PTPRK: variants seen among roughly 807,000 people sequenced by gnomAD.
The protein encoded by PTPRK is receptor-type tyrosine-protein phosphatase kappa.
Under a neutral mutation model 178.0 loss-of-function variants are expected in PTPRK, and 75 were observed. The ratio of observed to expected loss-of-function variants is 0.42; its 90% CI spans 0.35 to 0.51. PTPRK has a LOEUF of 0.51. Ranked by LOEUF, PTPRK falls within the 20% of genes least tolerant of loss-of-function variation. The pLI is 0.02. For synonymous variants in PTPRK, 637 were observed against 620.6 expected (o/e 1.03, Z -0.39); for missense variants, 1,441 against 1,797.8 (o/e 0.80, Z 3.59).
At chr6:128,330,527 C>G (rs528387570) in intron 2 of PTPRK, among the ~76,000 whole-genome samples, 56 of 152,152 alleles carry the variant, frequency 3.7e-4, no homozygotes, top group Middle Eastern at 3.4e-3. Flanking sequence ...TTTCTATTTT[C>G]AAGCTCTCTC....
chr6:128,282,192 G>C (rs1316432630), intron 3 of PTPRK, among the ~76,000 whole-genome samples: 2 of 152,152 alleles, frequency 1.3e-5, no homozygotes, highest in Non-Finnish European at 2.9e-5. Flanking sequence ...CAACTCTTCA[G>C]GGTGTTTGCT....
rs370243882 is a variant in PTPRK, at chr6:128,224,720, G to T, written c.694-5624C>A. Among the ~76,000 whole-genome samples, 76 of 152,236 alleles carry T rather than the reference G, an allele frequency of 5.0e-4. No individual in the cohort carries two copies. In the East Asian group the frequency reaches 0.011, roughly 22 times the overall value. On this transcript the variant is annotated intron_variant, in intron 5 of 29. Coordinates refer to ENST00000368226, the MANE Select transcript of PTPRK (RefSeq NM_002844.4). The stretch of plus-strand genomic sequence containing the variant: ...TATTCTGGCCAAGGAGATATGATAG[G>T]AATTGGTCAAGTTATTTCTAAAAAG...
At chr6:128,200,886 A>G (rs1459691461) in intron 6 of PTPRK, among the ~76,000 whole-genome samples, 5 of 65,310 alleles carry the variant, frequency 7.7e-5, no homozygotes, top group Non-Finnish European at 7.9e-5. Flanking sequence ...GGAAGAAGGG[A>G]GGGAAGGAGG....
chr6:128,137,355 T>C (rs1260955019), intron 7 of PTPRK, among the ~76,000 whole-genome samples: 2 of 152,104 alleles, frequency 1.3e-5, no homozygotes, highest in Non-Finnish European at 2.9e-5. Flanking sequence ...GTTCCATCAA[T>C]GGAGTGGGGG....
intron 2 of PTPRK, among the ~76,000 whole-genome samples, chr6:128,374,098 A>G (rs1045359506): frequency 1.3e-5 from 2 of 152,162 alleles, no homozygotes; most frequent in Admixed American, 1.3e-4. Flanking sequence ...ACAGACGTTT[A>G]ATCATTCTAC....
At chr6:127,993,446 A>G (rs1220287075) in intron 18 of PTPRK, among the ~76,000 whole-genome samples, 2 of 151,674 alleles carry the variant, frequency 1.3e-5, no homozygotes, top group Non-Finnish European at 3.0e-5. Context: ...ACAACAAAGC[A>G]TAAGTTGTAA....
At chr6:127,992,637 G>GT (rs1470737347) in intron 19 of PTPRK, 36 bp downstream of exon 19, 7 of 1,554,080 alleles carry the variant, frequency 4.5e-6, no homozygotes, top group Non-Finnish European at 5.2e-6. Context: ...AAGCAAGTTT[G>GT]TTTTTTCTAT....
At position 127,969,632 on chromosome 6, in the gene PTPRK, T is replaced by A. The variant is rs977517505; in HGVS notation, c.*595A>T. The A allele has an allele frequency of 6.6e-6, 1 of 152,172 alleles. No homozygotes were observed. Among genetic ancestry groups the A allele is most frequent in the Non-Finnish European group, 1.5e-5 (1 of 68,024 alleles). The allele number at this position is 152,172 out of a possible 1,614,324, so 9.4% of individuals were successfully genotyped here. Reference sequence around the variant, plus strand: ...ATAAATATAATGTGCTTTCTCCATATAGACATATTTACACTTGAGTCTTTG... The same window carrying A: ...ATAAATATAATGTGCTTTCTCCATAAAGACATATTTACACTTGAGTCTTTG... On this transcript the variant is annotated 3_prime_UTR_variant, in exon 30 of 30. Transcript: ENST00000368226.
chr6:128,229,815 G>T (rs1812000242), intron 5 of PTPRK, among the ~76,000 whole-genome samples: 1 of 152,174 alleles, frequency 6.6e-6, no homozygotes. Flanking sequence ...ATCTTTGCAG[G>T]ATGATAGGGA....
Position 128,108,068 on chromosome 6 carries a change from A to AC in PTPRK, c.1163-18077_1163-18076insG, listed in dbSNP as rs1433573618. On this transcript the variant is annotated intron_variant, in intron 7 of 29. Coordinates refer to ENST00000368226, the MANE Select transcript of PTPRK (RefSeq NM_002844.4). Reference sequence around the variant, plus strand: ...AAACAAACCAAATCCCTAAATAGCAAAACACACACACACACACACACACAC... The same window carrying AC: ...AAACAAACCAAATCCCTAAATAGCAACAACACACACACACACACACACACAC... 2.7e-3 allele frequency among the ~76,000 whole-genome samples: 360 copies of AC among 132,150 alleles called. 6 individuals carry two copies. The East Asian group carries it at 0.037, about 13-fold the overall frequency. 86.7% of individuals were successfully genotyped at this position (132,150 alleles called of 152,430 possible).
At chr6:128,411,258 A>C (rs1465502465) in intron 1 of PTPRK, among the ~76,000 whole-genome samples, 1 of 152,166 alleles carries the variant, frequency 6.6e-6, no homozygotes, top group East Asian at 1.9e-4. Context: ...CTTCTTAAGC[A>C]TTTCGGACAC....
chr6:127,973,566 G>A (rs1774184532), intron 28 of PTPRK, 98 bp downstream of exon 28: 2 of 1,372,446 alleles, frequency 1.5e-6, no homozygotes, highest in Non-Finnish European at 2.0e-6. Flanking sequence ...AACATCTATG[G>A]GAGGTCCATA....
chr6:128,138,844 T>C (rs1194951879), intron 7 of PTPRK, among the ~76,000 whole-genome samples: 5 of 152,070 alleles, frequency 3.3e-5, no homozygotes, highest in African/African-American at 1.2e-4. Flanking sequence ...TTAATGGACA[T>C]GTTCTATAAT....
At chr6:128,295,441 T>C (rs945338762) in intron 3 of PTPRK, among the ~76,000 whole-genome samples, 3 of 151,748 alleles carry the variant, frequency 2.0e-5, no homozygotes, top group Non-Finnish European at 2.9e-5. Flanking sequence ...AAAAGGAGGA[T>C]GGATTTTTTT....
intron 1 of PTPRK, among the ~76,000 whole-genome samples, chr6:128,430,010 A>C (rs1438107126): frequency 6.6e-6 from 1 of 152,210 alleles, no homozygotes; most frequent in Non-Finnish European, 1.5e-5. Context: ...GAGATTTTAC[A>C]TGGAATTGTG....
At chr6:128,009,427 G>A (rs1429469424) in intron 13 of PTPRK, among the ~76,000 whole-genome samples, 159 bp from the exon 14 acceptor site, 2 of 150,732 alleles carry the variant, frequency 1.3e-5, no homozygotes. Flanking sequence ...AATACAATAC[G>A]AGATTTAGGG....
intron 7 of PTPRK, among the ~76,000 whole-genome samples, chr6:128,158,574 C>T (rs901614752): frequency 6.6e-6 from 1 of 151,834 alleles, no homozygotes; most frequent in African/African-American, 2.4e-5. Flanking sequence ...ACGTTTGGTT[C>T]ATCCACAATA....
At chr6:128,231,680 C>G (rs1812323932) in intron 5 of PTPRK, among the ~76,000 whole-genome samples, 1 of 152,074 alleles carries the variant, frequency 6.6e-6, no homozygotes, top group Admixed American at 6.5e-5. Flanking sequence ...TGAAATGTCT[C>G]CTCATTTTTC....
intron 13 of PTPRK, among the ~76,000 whole-genome samples, chr6:128,044,125 A>G (rs1777651199): frequency 6.6e-6 from 1 of 152,102 alleles, no homozygotes; most frequent in African/African-American, 2.4e-5. Context: ...GAAAGAAGTC[A>G]TAGATTTCAA....
Sources: allele counts gnomAD v4.1 joint callset (sites outside exome capture counted in the v4.1 genomes callset), GRCh38; gene constraint gnomAD v4.1.1; transcripts MANE v1.5; gene names NCBI Gene and HGNC (gene_info 2026-07-23, HGNC 2026-07-21).